The following ACACB variants were observed in gnomAD, a reference collection of about 807,000 sequenced individuals.
The protein encoded by ACACB is acetyl-CoA carboxylase beta, also known as acetyl-CoA carboxylase 2.
A neutral mutation model predicts 278.8 loss-of-function variants in ACACB; 209 were observed. That is an observed-to-expected ratio of 0.75 (90% CI 0.67 to 0.84). The LOEUF (loss-of-function observed/expected upper bound fraction) is 0.84. Among genes scored for constraint, ACACB ranks in the 40% least tolerant of loss-of-function variants. The pLI, the probability that ACACB is intolerant of heterozygous loss-of-function variation, is 0.00. For synonymous variants in ACACB, 1,174 were observed against 1,285.6 expected (o/e 0.91, Z 1.86); for missense variants, 2,850 against 3,269.0 (o/e 0.87, Z 3.13).
intron 45 of ACACB, among the ~76,000 whole-genome samples, chr12:109,256,758 G>A (rs1443590827): frequency 6.6e-6 from 1 of 152,332 alleles, no homozygotes; most frequent in East Asian, 1.9e-4. Context: ...CTGGTACGAT[G>A]TCGCAGCTAT....
chr12:109,176,827 G>T (rs574744623), intron 9 of ACACB, among the ~76,000 whole-genome samples: 17 of 152,160 alleles, frequency 1.1e-4, no homozygotes, highest in Admixed American at 5.9e-4. Context: ...ATGTTGGCTG[G>T]GCTGGTCTCA....
chr12:109,203,686 G>A (rs1349385491), intron 19 of ACACB, among the ~76,000 whole-genome samples: 1 of 152,186 alleles, frequency 6.6e-6, no homozygotes, highest in Admixed American at 6.5e-5. Context: ...GGACCACCAG[G>A]GGGTGCACCA....
chr12:109,235,269 T>C, intron 31 of ACACB, 44 bp from the exon 32 acceptor site: 1 of 1,562,892 alleles, frequency 6.4e-7, no homozygotes, highest in Non-Finnish European at 8.8e-7. Flanking sequence ...CAGTTCCTTT[T>C]ACGGCCAAAT....
intron 47 of ACACB, chr12:109,259,981 C>A: frequency 1.9e-6 from 2 of 1,048,934 alleles, no homozygotes; most frequent in South Asian, 1.3e-5. Flanking sequence ...CCTCAGAGGG[C>A]CGAGGTAAGA....
At chr12:109,237,529 G>A in intron 34 of ACACB, 149 bp downstream of exon 34, 2 of 826,366 alleles carry the variant, frequency 2.4e-6, no homozygotes, top group Non-Finnish European at 3.8e-6. Flanking sequence ...CCAGTCCAGG[G>A]CAGGAGGCGG....
chr12:109,134,775 T>C (rs938614581), intron 1 of ACACB, among the ~76,000 whole-genome samples: 3 of 152,148 alleles, frequency 2.0e-5, no homozygotes, highest in African/African-American at 7.2e-5. Context: ...TGTCAATGTC[T>C]GGAGATGTTT....
chr12:109,135,437 T>A (rs1333390470), intron 1 of ACACB, among the ~76,000 whole-genome samples: 1 of 152,088 alleles, frequency 6.6e-6, no homozygotes, highest in Non-Finnish European at 1.5e-5. Context: ...ATTAGATATA[T>A]GGTTTGCAAG....
intron 40 of ACACB, chr12:109,249,187 A>G (rs2047029669): frequency 6.6e-6 from 1 of 152,198 alleles, no homozygotes; most frequent in Non-Finnish European, 1.5e-5. Context: ...TAAAGGAGAA[A>G]AGCAGGCTGG....
In ACACB at chr12:109,260,140, C is replaced by G. The variant is rs887225393; in HGVS notation, c.6497-340C>G. The G allele has an allele frequency of 2.9e-6, 4 of 1,392,344 alleles. No homozygotes were observed. The African/African-American group carries it at 4.3e-5, about 15-fold the overall frequency. 86.2% of individuals were successfully genotyped at this position (1,392,344 alleles called of 1,614,324 possible). On this transcript the variant is annotated intron_variant, in intron 47 of 52. Transcript: ENST00000338432. ...TTGCCCATGCACATTGGGGAAGGAT[C>G]AGTGTGACTGTTAGTGAGGGTTTTC...
intron 46 of ACACB, among the ~76,000 whole-genome samples, chr12:109,258,684 G>T (rs1307623640): frequency 6.6e-6 from 1 of 152,198 alleles, no homozygotes; most frequent in African/African-American, 2.4e-5. Flanking sequence ...AGTCAAGAGG[G>T]CTGGGTTCCA....
intron 36 of ACACB, 194 bp from the exon 37 acceptor site, chr12:109,242,242 CT>C (rs1377149949): frequency 3.5e-6 from 2 of 574,172 alleles, no homozygotes; most frequent in East Asian, 5.9e-5. Flanking sequence ...TCCACAGCCC[CT>C]GTTGTCCCTT....
At position 109,171,882 on chromosome 12, in the gene ACACB, A is replaced by G; in HGVS notation, c.1003A>G (p.Ile335Val). ...NNNNYANVELIVDIAKRIPVQ... is the reference protein window; with the variant it reads ...NNNNYANVELVVDIAKRIPVQ... The stretch of plus-strand genomic sequence containing the variant: ...CAACAACTATGCCAACGTGGAGCTG[A>G]TTGTGGACATTGCCAAGAGAATCCC... The change falls in exon 5 of 53, where the codon ATT becomes GTT. Residue 335 changes from isoleucine (I) to valine (V), a missense_variant. Ile to Val is a conservative substitution (Grantham distance 29). Coordinates refer to ENST00000338432, the MANE Select transcript of ACACB (RefSeq NM_001093.4). 6.2e-7 allele frequency: 1 copy of G among 1,614,100 alleles called. No homozygotes were observed. Among genetic ancestry groups the G allele is most frequent in the Non-Finnish European group, 8.5e-7 (1 of 1,180,004 alleles).
In ACACB at chr12:109,239,929, G is replaced by A. The variant is rs753780968; in HGVS notation, c.4762G>A (p.Asp1588Asn). The A allele has an allele frequency of 6.2e-6, 10 of 1,614,052 alleles. No individual in the cohort carries two copies. Among genetic ancestry groups the A allele is most frequent in the African/African-American group, 4.0e-5 (3 of 74,928 alleles). The change falls in exon 35 of 53, where the codon GAC (aspartate) becomes AAC (asparagine). Residue 1588 changes from aspartate (D) to asparagine (N), a missense_variant. Asp to Asn is a conservative substitution (Grantham distance 23). Transcript: ENST00000338432. The stretch of plus-strand genomic sequence containing the variant: ...GTTCAATAACACCAGCGTGCGCACC[G>A]ACTGCAACCACATCTTCCTCAACTT... ...VAFNNTSVRT[D>N]CNHIFLNFVP...
chr12:109,222,377 G>A, intron 24 of ACACB, 130 bp from the exon 25 acceptor site: 1 of 756,686 alleles, frequency 1.3e-6, no homozygotes, highest in Non-Finnish European at 2.3e-6. Context: ...ATAACAGGCT[G>A]TGCTGGGCCT....
intron 31 of ACACB, 71 bp downstream of exon 31, chr12:109,234,116 G>A (rs956996259): frequency 1.8e-5 from 24 of 1,313,976 alleles, no homozygotes; most frequent in Admixed American, 4.0e-5. Flanking sequence ...TCGTCGAGGC[G>A]GCCCTTGGGG....
At chr12:109,117,682 A>G (rs1240657921) in intron 1 of ACACB, among the ~76,000 whole-genome samples, 4 of 152,220 alleles carry the variant, frequency 2.6e-5, no homozygotes, top group East Asian at 1.9e-4. Context: ...TTTAATATCA[A>G]TGGGCATCCA....
intron 13 of ACACB, among the ~76,000 whole-genome samples, chr12:109,189,568 G>C (rs895796049): frequency 6.6e-5 from 10 of 152,110 alleles, no homozygotes; most frequent in African/African-American, 2.4e-4. Context: ...TCCTGGCACC[G>C]GTTTCTCAGG....
rs375670229 is a variant in ACACB at position 109,223,796 on chromosome 12, C to A, written c.3793-19C>A. On this transcript the variant is annotated intron_variant, in intron 26 of 52. Transcript: ENST00000338432. ...GTTCACATTTACTTTTCCTTGTTTC[C>A]CCTTTTCATTTCCCTTAGAAATTAA... 66 of 1,601,108 alleles carry A rather than the reference C, an allele frequency of 4.1e-5. No homozygotes were observed. Among genetic ancestry groups the A allele is most frequent in the Admixed American group, 1.2e-4 (7 of 59,976 alleles).
intron 5 of ACACB, 86 bp downstream of exon 5, chr12:109,172,000 G>A: frequency 3.4e-6 from 4 of 1,165,530 alleles, no homozygotes; most frequent in Non-Finnish European, 5.1e-6. Context: ...TTCACAAGGG[G>A]TGGAGGGTCC....
Sources: allele counts gnomAD v4.1 joint callset (sites outside exome capture counted in the v4.1 genomes callset), GRCh38; gene constraint gnomAD v4.1.1; transcripts MANE v1.5; gene names NCBI Gene and HGNC (gene_info 2026-07-23, HGNC 2026-07-21).